GSTCD: variants seen among roughly 807,000 people sequenced by gnomAD.
GSTCD encodes the protein glutathione S-transferase C-terminal domain containing.
Under a neutral mutation model 68.3 loss-of-function variants are expected in GSTCD, and 44 were observed. That is an observed-to-expected ratio of 0.64 (90% CI 0.51 to 0.83). The LOEUF (loss-of-function observed/expected upper bound fraction) is 0.83, where lower values mean the gene tolerates loss of function less well. GSTCD is among the 40% of genes least tolerant of loss of function. GSTCD has a pLI of 0.00. For missense variants in GSTCD, 739 were observed against 735.9 expected (o/e 1.00, Z -0.05); for synonymous variants, 273 against 255.2 (o/e 1.07, Z -0.67).
intron 5 of GSTCD, among the ~76,000 whole-genome samples, chr4:105,774,022 T>C (rs1734957070): frequency 6.6e-6 from 1 of 152,210 alleles, no homozygotes; most frequent in South Asian, 2.1e-4. Context: ...GAACTTGCTT[T>C]ATGAATCTGG....
chr4:105,779,479 T>C (rs1735198048), intron 5 of GSTCD, among the ~76,000 whole-genome samples: 1 of 152,208 alleles, frequency 6.6e-6, no homozygotes, highest in Non-Finnish European at 1.5e-5. Context: ...TATTTCTCAA[T>C]TTTATTTATA....
At chr4:105,757,610 C>T (rs1432807124) in intron 5 of GSTCD, among the ~76,000 whole-genome samples, 5 of 152,146 alleles carry the variant, frequency 3.3e-5, no homozygotes, top group Admixed American at 2.6e-4. Context: ...CATCCTTTCT[C>T]ATATAGCTTG....
intron 11 of GSTCD, among the ~76,000 whole-genome samples, chr4:105,845,015 A>G (rs2149290694): frequency 6.6e-6 from 1 of 152,350 alleles, no homozygotes. Flanking sequence ...GGAAAAGCTA[A>G]TGTCTTTCAG....
intron 5 of GSTCD, among the ~76,000 whole-genome samples, chr4:105,806,914 A>G (rs2149264704): frequency 6.6e-6 from 1 of 152,112 alleles, no homozygotes; most frequent in South Asian, 2.1e-4. Context: ...TTTTCTTATC[A>G]GTTATGCCAA....
intron 5 of GSTCD, among the ~76,000 whole-genome samples, chr4:105,802,390 ATACT>A (rs1736138952): frequency 6.6e-6 from 1 of 152,052 alleles, no homozygotes; most frequent in South Asian, 2.1e-4. Flanking sequence ...TCATGCCTTA[ATACT>A]TAAAGTGTTC....
chr4:105,728,401 G>C (rs1244946563), intron 4 of GSTCD, among the ~76,000 whole-genome samples: 1 of 152,148 alleles, frequency 6.6e-6, no homozygotes, highest in African/African-American at 2.4e-5. Flanking sequence ...CTAGACTGAA[G>C]AAGATAGAAG....
intron 5 of GSTCD, among the ~76,000 whole-genome samples, chr4:105,742,565 A>G (rs1234922387): frequency 6.6e-6 from 1 of 152,200 alleles, no homozygotes; most frequent in African/African-American, 2.4e-5. Flanking sequence ...TTGTTGGTAC[A>G]GTCGGTGCAT....
chr4:105,760,260 T>G (rs1734355389), intron 5 of GSTCD, among the ~76,000 whole-genome samples: 1 of 151,904 alleles, frequency 6.6e-6, no homozygotes, highest in Non-Finnish European at 1.5e-5. Context: ...GAGAAAGCCC[T>G]CTAATATTAA....
intron 1 of GSTCD, chr4:105,712,584 G>A (rs910870362): frequency 6.6e-6 from 1 of 152,210 alleles, no homozygotes; most frequent in Admixed American, 6.5e-5. Flanking sequence ...CCTGTTGTTG[G>A]AGAATGGACT....
chr4:105,798,621 A>C (rs1388773479), intron 5 of GSTCD, among the ~76,000 whole-genome samples: 1 of 150,756 alleles, frequency 6.6e-6, no homozygotes, highest in Non-Finnish European at 1.5e-5. Flanking sequence ...AGAGCTCTTG[A>C]GTGACCAAAT....
intron 5 of GSTCD, among the ~76,000 whole-genome samples, chr4:105,749,581 A>G (rs1232312655): frequency 4.6e-5 from 7 of 151,148 alleles, no homozygotes; most frequent in Non-Finnish European, 7.4e-5. Context: ...TTCAGCAACC[A>G]TTGCTCTATC....
At chr4:105,795,385 T>C (rs1183406743) in intron 5 of GSTCD, among the ~76,000 whole-genome samples, 1 of 151,640 alleles carries the variant, frequency 6.6e-6, no homozygotes, top group Non-Finnish European at 1.5e-5. Flanking sequence ...TTTTAGAGTA[T>C]TTATGAAGTA....
chr4:105,815,332 G>T (rs764485899), intron 5 of GSTCD: 26 of 152,060 alleles, frequency 1.7e-4, no homozygotes, highest in Non-Finnish European at 3.1e-4. Context: ...AGAGCACCAT[G>T]TTGTTTCTGT....
chr4:105,726,128 A>C (rs1733023196), intron 3 of GSTCD, among the ~76,000 whole-genome samples: 1 of 152,210 alleles, frequency 6.6e-6, no homozygotes, highest in Non-Finnish European at 1.5e-5. Context: ...GAAACATGCA[A>C]ATATCTATCA....
chr4:105,845,686 C>G lies in GSTCD; in HGVS notation c.*109C>G. The G allele has an allele frequency of 8.7e-7, 1 of 1,147,176 alleles. No individual in the cohort carries two copies. The highest frequency in any genetic ancestry group is 1.3e-6 in the Non-Finnish European group (1 of 791,568). 71.1% of individuals were successfully genotyped at this position (1,147,176 alleles called of 1,614,324 possible). ...GGAAACAGCATTAGCCATCTTGAAC[C>G]TATTGTGCTCAGGAAGGAAAGCAAC... On this transcript the variant is annotated 3_prime_UTR_variant, in exon 12 of 12. Coordinates refer to ENST00000515279, the MANE Select transcript of GSTCD (RefSeq NM_001370181.1).
At chr4:105,735,438 A>G (rs1027912867) in intron 5 of GSTCD, among the ~76,000 whole-genome samples, 1 of 152,184 alleles carries the variant, frequency 6.6e-6, no homozygotes, top group Admixed American at 6.5e-5. Flanking sequence ...TGTGCTAGCA[A>G]TGAGCAAGGC....
rs144983052 is a variant in GSTCD, at chr4:105,803,984, A to G, written c.1241-18970A>G. ...TACATAGGACTTCAAAAATACTACT[A>G]ATTTTTTGTTTTTGTAAAGCTGGAT... On this transcript the variant is annotated intron_variant, in intron 5 of 11. Coordinates refer to ENST00000515279, the MANE Select transcript of GSTCD (RefSeq NM_001370181.1). Among the ~76,000 whole-genome samples, 203 of 152,024 alleles carry G rather than the reference A, an allele frequency of 1.3e-3. 2 individuals carry two copies. The highest frequency in any genetic ancestry group is 4.7e-3 in the African/African-American group (195 of 41,524).
chr4:105,756,195 GT>G (rs1250901062), intron 5 of GSTCD, among the ~76,000 whole-genome samples: 1 of 152,134 alleles, frequency 6.6e-6, no homozygotes, highest in African/African-American at 2.4e-5. Flanking sequence ...ACATGGCTGT[GT>G]TCACCAGTGC....
intron 1 of GSTCD, among the ~76,000 whole-genome samples, chr4:105,714,795 A>G (rs1295140331): frequency 6.6e-6 from 1 of 152,122 alleles, no homozygotes; most frequent in African/African-American, 2.4e-5. Flanking sequence ...TGGGCAGGTT[A>G]TTGCTATTCT....
Sources: allele counts gnomAD v4.1 joint callset (sites outside exome capture counted in the v4.1 genomes callset), GRCh38; gene constraint gnomAD v4.1.1; transcripts MANE v1.5; gene names NCBI Gene and HGNC (gene_info 2026-07-23, HGNC 2026-07-21).